The following SOX5 variants were observed in gnomAD, a reference collection of about 807,000 sequenced individuals.
SOX5 encodes the protein transcription factor SOX-5.
Under a neutral mutation model 92.0 loss-of-function variants are expected in SOX5, and 9 were observed. The observed-to-expected ratio is 0.10, with a 90% CI of 0.06 to 0.17. SOX5 has a LOEUF of 0.17. SOX5 is among the 10% of genes least tolerant of loss of function. The probability of loss-of-function intolerance (pLI) is 1.00; values close to 1 mark genes in which losing one functional copy is unlikely to be tolerated. For synonymous variants in SOX5, 344 were observed against 336.3 expected (o/e 1.02, Z -0.25); for missense variants, 642 against 944.5 (o/e 0.68, Z 4.20).
chr12:24,090,862 G>C (rs538781916), intron 4 of SOX5, among the ~76,000 whole-genome samples: 10 of 152,272 alleles, frequency 6.6e-5, no homozygotes, highest in African/African-American at 2.2e-4. Flanking sequence ...GAGTGCTTGG[G>C]AGTGGTGGGA....
At chr12:23,648,750 T>C (rs562003125) in intron 7 of SOX5, among the ~76,000 whole-genome samples, 59 of 152,320 alleles carry the variant, frequency 3.9e-4, no homozygotes, top group African/African-American at 1.4e-3. Flanking sequence ...CTATGCTATT[T>C]TGTTATAGCA....
chr12:24,113,970 A>AAATG (rs529228794), intron 4 of SOX5, among the ~76,000 whole-genome samples: 6 of 152,158 alleles, frequency 3.9e-5, no homozygotes, highest in Non-Finnish European at 8.8e-5. Flanking sequence ...CCTCACAAAA[A>AAATG]AATGTGAGAG....
intron 2 of SOX5, among the ~76,000 whole-genome samples, chr12:24,332,179 A>C (rs1284798090): frequency 6.6e-6 from 1 of 152,164 alleles, no homozygotes; most frequent in Non-Finnish European, 1.5e-5. Flanking sequence ...TAAATTTCAG[A>C]ACACTGCAGA....
At position 24,098,932 on chromosome 12, in the gene SOX5, G is replaced by A. The variant is rs1009906066; in HGVS notation, c.-2+114411C>T. Among the ~76,000 whole-genome samples the A allele has an allele frequency of 7.2e-5, 11 of 152,144 alleles. No individual in the cohort carries two copies. In the South Asian group the frequency reaches 1.0e-3, roughly 14 times the overall value. On this transcript the variant is annotated intron_variant, in intron 4 of 4. Transcript: ENST00000446891. ...GCTTTCTTGTTCACTGGGTTTCAAC[G>A]TAGTGTATGTCTAGCAAAATGGCTA...
At chr12:23,640,756 A>G in intron 8 of SOX5, 56 bp downstream of exon 8, 2 of 1,228,626 alleles carry the variant, frequency 1.6e-6, no homozygotes, top group Non-Finnish European at 2.4e-6. Context: ...ACACCATAAT[A>G]GCTGTTTTCG....
At chr12:24,172,078 C>CGT (rs140419339) in intron 4 of SOX5, among the ~76,000 whole-genome samples, 27 of 139,146 alleles carry the variant, frequency 1.9e-4, no homozygotes, top group East Asian at 1.0e-3. Context: ...ACTGTGTGTG[C>CGT]GTGTGTGTGT....
chr12:24,500,945 A>G (rs10161258), intron 1 of SOX5, among the ~76,000 whole-genome samples: 152,330 of 152,332 alleles, frequency 1, 76,164 homozygotes, highest in Middle Eastern at 1. Context: ...TCAATCTATA[A>G]CCAATGCACC....
chr12:23,914,798 T>C (rs1370428728), intron 1 of SOX5, among the ~76,000 whole-genome samples: 1 of 152,176 alleles, frequency 6.6e-6, no homozygotes, highest in African/African-American at 2.4e-5. Context: ...AAATTCTAGA[T>C]GAAAATACAA....
intron 4 of SOX5, among the ~76,000 whole-genome samples, chr12:24,167,139 A>G (rs139189139): frequency 1.8e-4 from 28 of 152,344 alleles, no homozygotes; most frequent in African/African-American, 6.7e-4. Context: ...GTGTAATACG[A>G]CAAGGACCAA....
chr12:23,988,871 T>C (rs1950295266), intron 4 of SOX5, among the ~76,000 whole-genome samples: 1 of 152,152 alleles, frequency 6.6e-6, no homozygotes, highest in Non-Finnish European at 1.5e-5. Flanking sequence ...ATACAGAGTC[T>C]CTTTTCCACC....
chr12:24,505,260 C>T (rs1948607624), intron 1 of SOX5, among the ~76,000 whole-genome samples: 1 of 151,984 alleles, frequency 6.6e-6, no homozygotes, highest in East Asian at 1.9e-4. Flanking sequence ...TGACTGAAAG[C>T]TTATAATGTG....
chr12:23,956,578 A>G lies in SOX5; in HGVS notation c.-1-60554T>C, dbSNP rs544765536. ...TAACCTCTCCCACCCCCATGGAAAA[A>G]TTGTCTTTCATGAAACTGGTCCCTG... is the stretch of plus-strand genomic sequence containing the variant. On this transcript the variant is annotated intron_variant, in intron 4 of 4. Transcript: ENST00000446891. Among the ~76,000 whole-genome samples, 15 of 152,204 alleles carry G rather than the reference A, an allele frequency of 9.9e-5. No individual in the cohort carries two copies. In the East Asian group the frequency reaches 2.9e-3, roughly 29 times the overall value.
rs115191683 is a variant in SOX5, at chr12:24,004,741, C to A, written c.-1-108717G>T. ...TAAACAGTTAAAAATAAATTTACCA[C>A]AAAATCTAGCAATTCCACTCTTGGA... On this transcript the variant is annotated intron_variant, in intron 4 of 4. Transcript: ENST00000446891. Among the ~76,000 whole-genome samples the A allele has an allele frequency of 5.9e-3, 905 of 152,172 alleles. 15 individuals are homozygous for A. Among genetic ancestry groups the A allele is most frequent in the African/African-American group, 0.02 (819 of 41,542 alleles).
Position 23,846,106 on chromosome 12 carries a change from T to G in SOX5, c.358A>C (p.Ser120Arg). 6.2e-7 allele frequency: 1 copy of G among 1,614,122 alleles called. No individual in the cohort carries two copies. Among genetic ancestry groups the G allele is most frequent in the Non-Finnish European group, 8.5e-7 (1 of 1,179,988 alleles). ...GCTGTACTAGACAAGGACTCGCCAC[T>G]CTGTCGCCCACCTTCTTCTGCCTTC... ...PQKAEEGGRQ[S>R]GESLSSTALG... The change falls in exon 3 of 15, where the codon AGT becomes CGT. Residue 120 changes from serine (S) to arginine (R), a missense_variant. By Grantham distance (110) the Ser-to-Arg change is moderately radical (BLOSUM62 -1). Coordinates refer to ENST00000451604, the MANE Select transcript of SOX5 (RefSeq NM_006940.6).
At chr12:23,843,553 CCTTTTT>C in intron 3 of SOX5, among the ~76,000 whole-genome samples, 1 of 98,704 alleles carries the variant, frequency 1.0e-5, no homozygotes, top group Non-Finnish European at 1.9e-5. Context: ...AGTCATTTCT[CCTTTTT>C]TTTTTTTTTT....
At chr12:23,770,912 CTAAATACATAACAGGTTTA>C (rs1413193572) in intron 3 of SOX5, among the ~76,000 whole-genome samples, 1 of 149,196 alleles carries the variant, frequency 6.7e-6, no homozygotes, top group Non-Finnish European at 1.5e-5. Context: ...TTTTATAAAG[CTAAATACATAACAGGTTTA>C]TAAACATGCT....
intron 2 of SOX5, among the ~76,000 whole-genome samples, chr12:24,295,301 C>G (rs1947077836): frequency 6.6e-6 from 1 of 152,116 alleles, no homozygotes; most frequent in South Asian, 2.1e-4. Flanking sequence ...CAAACTCACA[C>G]TTCTCCTTCA....
At chr12:24,162,212 C>T (rs975692394) in intron 4 of SOX5, among the ~76,000 whole-genome samples, 1 of 152,022 alleles carries the variant, frequency 6.6e-6, no homozygotes, top group Non-Finnish European at 1.5e-5. Context: ...GAAAGAGATA[C>T]AATAGACCAG....
intron 3 of SOX5, among the ~76,000 whole-genome samples, chr12:24,235,568 G>T (rs1964299975): frequency 6.6e-6 from 1 of 152,156 alleles, no homozygotes; most frequent in Admixed American, 6.5e-5. Context: ...CTTCTACTAT[G>T]AGTAATTATC....
Sources: allele counts gnomAD v4.1 joint callset (sites outside exome capture counted in the v4.1 genomes callset), GRCh38; gene constraint gnomAD v4.1.1; transcripts MANE v1.5; gene names NCBI Gene and HGNC (gene_info 2026-07-23, HGNC 2026-07-21).